The following SPTLC3 variants were observed in gnomAD, a reference collection of about 807,000 sequenced individuals.
The protein encoded by SPTLC3 is serine palmitoyltransferase long chain base subunit 3.
In SPTLC3, 36 loss-of-function variants were observed where a neutral mutation model predicts 59.3. The observed-to-expected ratio is 0.61, with a 90% CI of 0.47 to 0.80. SPTLC3 has a LOEUF of 0.80. Among genes scored for constraint, SPTLC3 ranks in the 30% least tolerant of loss-of-function variants. The pLI is 0.00. For missense variants in SPTLC3, 625 were observed against 685.1 expected (o/e 0.91, Z 0.98); for synonymous variants, 257 against 240.8 (o/e 1.07, Z -0.62).
chr20:13,062,016 T>C (rs79622099), intron 2 of SPTLC3, among the ~76,000 whole-genome samples: 1 of 152,122 alleles, frequency 6.6e-6, no homozygotes, highest in African/African-American at 2.4e-5. Flanking sequence ...CAAGCACTGC[T>C]TCAGACACTA....
At chr20:13,077,528 T>C (rs186622055) in intron 4 of SPTLC3, among the ~76,000 whole-genome samples, 1 of 152,062 alleles carries the variant, frequency 6.6e-6, no homozygotes, top group African/African-American at 2.4e-5. Flanking sequence ...CCTACATAAG[T>C]CACATTCTTG....
chr20:13,018,464 AAC>A (rs1233568346), intron 1 of SPTLC3, among the ~76,000 whole-genome samples: 1 of 152,180 alleles, frequency 6.6e-6, no homozygotes, highest in Non-Finnish European at 1.5e-5. Flanking sequence ...GTAAAAGCCA[AAC>A]ACAATGAACC....
chr20:13,013,610 G>A (rs892641591), intron 1 of SPTLC3, among the ~76,000 whole-genome samples: 3 of 152,188 alleles, frequency 2.0e-5, no homozygotes, highest in South Asian at 2.1e-4. Context: ...TAAGGAATCC[G>A]CAGTTTTTCA....
chr20:13,046,806 C>T (rs1276599136), intron 1 of SPTLC3, among the ~76,000 whole-genome samples: 1 of 152,168 alleles, frequency 6.6e-6, no homozygotes, highest in Non-Finnish European at 1.5e-5. Context: ...CTTTGAATCC[C>T]CAGTGCTGAA....
chr20:13,149,696 T>C (rs1215839445), intron 9 of SPTLC3, among the ~76,000 whole-genome samples: 1 of 152,232 alleles, frequency 6.6e-6, no homozygotes, highest in Non-Finnish European at 1.5e-5. Context: ...ATTTAGTTCT[T>C]AGGAGTCAGA....
chr20:13,024,948 AAT>A (rs1475573877), intron 1 of SPTLC3, among the ~76,000 whole-genome samples: 1 of 152,194 alleles, frequency 6.6e-6, no homozygotes, highest in Admixed American at 6.5e-5. Flanking sequence ...CAGGAATTAT[AAT>A]AGTTTGATGA....
intron 6 of SPTLC3, among the ~76,000 whole-genome samples, chr20:13,108,609 C>T (rs527406472): frequency 6.6e-6 from 1 of 152,246 alleles, no homozygotes; most frequent in Admixed American, 6.5e-5. Context: ...GAGTCTCGTT[C>T]TGTCACCCAG....
intron 2 of SPTLC3, chr20:13,051,055 A>G (rs1428461863): frequency 2.0e-5 from 3 of 152,406 alleles, no homozygotes; most frequent in East Asian, 3.9e-4. Context: ...TACACAGACA[A>G]CAATGAGCAT....
rs559528396 is a variant in SPTLC3, at chr20:13,029,781, A to G, written c.118-19164A>G. ...TCTGTAAGGATACATTCTGTCTTCA[A>G]AGGAAACCAAAAGATGAACCAAGTT... On this transcript the variant is annotated intron_variant, in intron 1 of 11. Transcript: ENST00000399002. Among the ~76,000 whole-genome samples the G allele has an allele frequency of 4.6e-5, 7 of 152,314 alleles. No homozygotes were observed. The East Asian group carries it at 1.4e-3, about 29-fold the overall frequency.
At chr20:13,142,301 A>G (rs1020570286) in intron 9 of SPTLC3, among the ~76,000 whole-genome samples, 23 of 152,228 alleles carry the variant, frequency 1.5e-4, no homozygotes, top group Non-Finnish European at 2.5e-4. Context: ...CTACTGGAGC[A>G]TCCTCTTCAC....
intron 4 of SPTLC3, among the ~76,000 whole-genome samples, chr20:13,084,619 A>G (rs1183561299): frequency 6.6e-6 from 1 of 152,198 alleles, no homozygotes; most frequent in African/African-American, 2.4e-5. Context: ...GGTTTAAAAT[A>G]TTTCAGTACG....
intron 9 of SPTLC3, among the ~76,000 whole-genome samples, chr20:13,134,034 A>C (rs1433859143): frequency 6.6e-6 from 1 of 152,168 alleles, no homozygotes; most frequent in Non-Finnish European, 1.5e-5. Flanking sequence ...AACTGTGAAC[A>C]CACATTCAGG....
intron 6 of SPTLC3, among the ~76,000 whole-genome samples, chr20:13,105,248 A>G (rs1363464369): frequency 6.7e-6 from 1 of 149,542 alleles, no homozygotes; most frequent in Non-Finnish European, 1.5e-5. Flanking sequence ...GAGGTCGGAG[A>G]GTTCATCCCC....
chr20:13,077,607 G>T (rs1362974760), intron 4 of SPTLC3, among the ~76,000 whole-genome samples: 1 of 152,102 alleles, frequency 6.6e-6, no homozygotes, highest in East Asian at 1.9e-4. Flanking sequence ...GCAGCTAGTT[G>T]TGTACATAGA....
intron 8 of SPTLC3, among the ~76,000 whole-genome samples, chr20:13,123,314 G>A (rs2122775027): frequency 6.8e-6 from 1 of 146,710 alleles, no homozygotes; most frequent in South Asian, 2.1e-4. Context: ...CTGGCCGACA[G>A]AGCAAGACTC....
intron 11 of SPTLC3, among the ~76,000 whole-genome samples, chr20:13,163,034 T>G (rs1368473525): frequency 6.6e-6 from 1 of 152,158 alleles, no homozygotes; most frequent in Non-Finnish European, 1.5e-5. Context: ...ACGTACATTA[T>G]ATAAGAGACA....
intron 8 of SPTLC3, among the ~76,000 whole-genome samples, chr20:13,123,066 C>T (rs2037903828): frequency 1.3e-5 from 2 of 152,186 alleles, no homozygotes; most frequent in Admixed American, 1.3e-4. Flanking sequence ...CGTGGTGGCT[C>T]ATGCCTGTAA....
At chr20:13,074,090 C>A (rs1988550943) in intron 3 of SPTLC3, 2 of 664,932 alleles carry the variant, frequency 3.0e-6, no homozygotes, top group South Asian at 2.9e-5. Context: ...CCTGGCTGTT[C>A]ATCCTTTTCC....
intron 9 of SPTLC3, among the ~76,000 whole-genome samples, chr20:13,142,684 C>T (rs939970730): frequency 6.6e-6 from 1 of 152,154 alleles, no homozygotes; most frequent in Non-Finnish European, 1.5e-5. Context: ...ATGCTGAAAT[C>T]AAGGTGTCAG....
Sources: allele counts gnomAD v4.1 joint callset (sites outside exome capture counted in the v4.1 genomes callset), GRCh38; gene constraint gnomAD v4.1.1; transcripts MANE v1.5; gene names NCBI Gene and HGNC (gene_info 2026-07-23, HGNC 2026-07-21).